Variants in FMN2 observed in about 807,000 individuals in gnomAD.
FMN2 encodes formin 2, also known as formin-2.
Under a neutral mutation model 142.3 loss-of-function variants are expected in FMN2, and 51 were observed. The observed-to-expected ratio is 0.36, with a 90% CI of 0.29 to 0.45. The LOEUF (loss-of-function observed/expected upper bound fraction) is 0.45, where lower values mean the gene tolerates loss of function less well. Among genes scored for constraint, FMN2 ranks in the 20% least tolerant of loss-of-function variants. The pLI, the probability that FMN2 is intolerant of heterozygous loss-of-function variation, is 1.00. For missense variants in FMN2, 1,936 were observed against 2,122.8 expected, an observed-to-expected ratio of 0.91 and a Z score of 1.73; for synonymous variants, 882 against 869.8, an observed-to-expected ratio of 1.01 and a Z score of -0.25.
intron 7 of FMN2, among the ~76,000 whole-genome samples, chr1:240,273,647 T>TGAGGGGCA (rs1490129693): frequency 1.3e-5 from 2 of 151,656 alleles, no homozygotes; most frequent in African/African-American, 2.4e-5. Flanking sequence ...GGGAGTGGCA[T>TGAGGGGCA]GAGGGGAAAG....
At chr1:240,184,236 C>CTTTTTTTTTTTTTTTTTTTTTTTTTT (rs34050336) in intron 3 of FMN2, among the ~76,000 whole-genome samples, 1 of 79,438 alleles carries the variant, frequency 1.3e-5, no homozygotes. Context: ...AATATTTAAC[C>CTTTTTTTTTTTTTTTTTTTTTTTTTT]TTTTTTTTTT....
At chr1:240,248,486 T>C (rs1668162549) in intron 6 of FMN2, among the ~76,000 whole-genome samples, 1 of 149,526 alleles carries the variant, frequency 6.7e-6, no homozygotes, top group African/African-American at 2.4e-5. Flanking sequence ...TATTTAAAAA[T>C]ATTTTTTCTT....
chr1:240,360,299 CT>C (rs1417238646), intron 14 of FMN2, among the ~76,000 whole-genome samples: 1 of 152,202 alleles, frequency 6.6e-6, no homozygotes, highest in Admixed American at 6.5e-5. Flanking sequence ...TATACAGAAG[CT>C]CCCACACTTA....
intron 16 of FMN2, among the ~76,000 whole-genome samples, chr1:240,460,452 C>T (rs1294830468): frequency 2.0e-5 from 3 of 151,908 alleles, no homozygotes; most frequent in East Asian, 1.9e-4. Context: ...CTTAGCTGGG[C>T]GTGGTGGCAG....
chr1:240,182,424 C>A (rs1665191100), intron 3 of FMN2, among the ~76,000 whole-genome samples: 1 of 152,086 alleles, frequency 6.6e-6, no homozygotes, highest in African/African-American at 2.4e-5. Flanking sequence ...GGAAGAGGAT[C>A]TGGTAGAAAT....
intron 16 of FMN2, among the ~76,000 whole-genome samples, chr1:240,442,495 A>G (rs1315234349): frequency 1.3e-5 from 2 of 152,228 alleles, no homozygotes; most frequent in African/African-American, 4.8e-5. Context: ...AATCTGGCCT[A>G]ATTTATTAAG....
Position 240,093,678 on chromosome 1 carries a change from G to C in FMN2, c.1569G>C (p.Ala523=). 1.5e-6 allele frequency: 2 copies of C among 1,358,170 alleles called. No individual in the cohort carries two copies. The highest frequency in any genetic ancestry group is 1.9e-6 in the Non-Finnish European group (2 of 1,061,306). 84.1% of individuals were successfully genotyped at this position (1,358,170 alleles called of 1,614,324 possible). The part of the protein sequence containing the change: ...GGVSPALAAK[A]SGAPAAADGF... ...TGTCCCCAGCACTGGCCGCCAAGGCGTCTGGGGCCCCCGCGGCTGCGGATG... is the reference window on the plus strand; with the variant it reads ...TGTCCCCAGCACTGGCCGCCAAGGCCTCTGGGGCCCCCGCGGCTGCGGATG... Residue 523 remains alanine, a synonymous_variant, in exon 1 of 18, where the codon GCG becomes GCC. Coordinates refer to ENST00000319653, the MANE Select transcript of FMN2 (RefSeq NM_020066.5).
chr1:240,209,018 ATT>A (rs1490401034), intron 5 of FMN2, among the ~76,000 whole-genome samples: 1 of 152,072 alleles, frequency 6.6e-6, no homozygotes, highest in Non-Finnish European at 1.5e-5. Flanking sequence ...TGAGGGATAT[ATT>A]TTTCTTAAAA....
intron 6 of FMN2, among the ~76,000 whole-genome samples, chr1:240,232,882 C>T (rs1374286152): frequency 6.6e-6 from 1 of 152,168 alleles, no homozygotes; most frequent in Admixed American, 6.5e-5. Flanking sequence ...CACATCCTTA[C>T]TGTTTTTCTT....
At chr1:240,142,106 C>A (rs962653491) in intron 2 of FMN2, among the ~76,000 whole-genome samples, 1 of 152,150 alleles carries the variant, frequency 6.6e-6, no homozygotes, top group African/African-American at 2.4e-5. Context: ...ATCAGAGTCT[C>A]CCTGTAGCTT....
chr1:240,272,233 G>A (rs536385683), intron 7 of FMN2, among the ~76,000 whole-genome samples: 6 of 152,234 alleles, frequency 3.9e-5, no homozygotes, highest in East Asian at 3.9e-4. Context: ...GGGTGACTGC[G>A]AATGGAATTG....
At chr1:240,143,136 G>A in intron 2 of FMN2, 1 of 1,569,246 alleles carries the variant, frequency 6.4e-7, no homozygotes, top group Non-Finnish European at 8.8e-7. Context: ...GGGGTCCTTG[G>A]CATGATATTG....
chr1:240,333,471 A>G (rs903206268), intron 11 of FMN2, among the ~76,000 whole-genome samples: 11 of 152,302 alleles, frequency 7.2e-5, no homozygotes, highest in Admixed American at 2.6e-4. Flanking sequence ...AATCAAACTT[A>G]CTGTTGGAGT....
intron 14 of FMN2, among the ~76,000 whole-genome samples, chr1:240,371,993 T>C (rs1056794710): frequency 4.6e-5 from 7 of 152,116 alleles, no homozygotes; most frequent in African/African-American, 1.7e-4. Flanking sequence ...CCCAGCATTT[T>C]GGGAGGCCGA....
intron 13 of FMN2, chr1:240,341,373 T>C (rs1252902722): frequency 6.6e-6 from 1 of 152,144 alleles, no homozygotes; most frequent in Non-Finnish European, 1.5e-5. Flanking sequence ...TCCTATGTGG[T>C]GTTAGAATGA....
chr1:240,466,444 A>T (rs1213864891), intron 16 of FMN2, among the ~76,000 whole-genome samples: 1 of 152,216 alleles, frequency 6.6e-6, no homozygotes, highest in African/African-American at 2.4e-5. Context: ...AGATTTTTTT[A>T]AAGGTAAATT....
chr1:240,207,106 G>A lies in FMN2; in HGVS notation c.2294G>A (p.Gly765Glu). ...LTLPPVDGLP[G>E]RPPCPPGAES... ...CTGCCTCCTGTGGATGGGCTGCCAGGGCGTCCTCCATGCCCCCCTGGGGCT... is the reference window on the plus strand; with the variant it reads ...CTGCCTCCTGTGGATGGGCTGCCAGAGCGTCCTCCATGCCCCCCTGGGGCT... Residue 765 changes from glycine to glutamate, a missense_variant, in exon 5 of 18, where the codon GGG becomes GAG. Transcript: ENST00000319653. 1 of 1,614,092 alleles carries A rather than the reference G, an allele frequency of 6.2e-7. No homozygotes were observed. The highest frequency in any genetic ancestry group is 1.1e-5 in the South Asian group (1 of 91,090).
chr1:240,168,325 C>CG (rs1315286957), intron 2 of FMN2, among the ~76,000 whole-genome samples: 1 of 151,992 alleles, frequency 6.6e-6, no homozygotes, highest in Non-Finnish European at 1.5e-5. Flanking sequence ...CAGTGGCTCA[C>CG]GCCTGGAATA....
intron 16 of FMN2, among the ~76,000 whole-genome samples, chr1:240,456,486 C>T (rs186987305): frequency 1.1e-4 from 16 of 152,194 alleles, no homozygotes; most frequent in African/African-American, 2.2e-4. Flanking sequence ...GACGGAGTTT[C>T]GCTCTTGTTG....
Sources: allele counts gnomAD v4.1 joint callset (sites outside exome capture counted in the v4.1 genomes callset), GRCh38; gene constraint gnomAD v4.1.1; transcripts MANE v1.5; gene names NCBI Gene and HGNC (gene_info 2026-07-23, HGNC 2026-07-21).